Variants in ASCC3 observed in about 807,000 individuals in gnomAD.
ASCC3 encodes the protein ASC-1 complex subunit P200.
In ASCC3, 158 loss-of-function variants were observed where a neutral mutation model predicts 256.3. The ratio of observed to expected loss-of-function variants is 0.62; its 90% CI spans 0.54 to 0.70. The LOEUF (loss-of-function observed/expected upper bound fraction) is 0.70, where lower values mean the gene tolerates loss of function less well. Among genes scored for constraint, ASCC3 ranks in the 30% least tolerant of loss-of-function variants. ASCC3 has a pLI of 0.00. For missense variants in ASCC3, 2,259 were observed against 2,626.0 expected (o/e 0.86, Z 3.05); for synonymous variants, 948 against 883.4 (o/e 1.07, Z -1.30).
At chr6:100,879,754 G>C (rs1250430636) in intron 1 of ASCC3, among the ~76,000 whole-genome samples, 1 of 152,158 alleles carries the variant, frequency 6.6e-6, no homozygotes, top group African/African-American at 2.4e-5. Flanking sequence ...TTACTCTTCT[G>C]AAATGGCAAA....
intron 16 of ASCC3, among the ~76,000 whole-genome samples, chr6:100,658,914 A>C (rs1232691628): frequency 6.6e-6 from 1 of 151,584 alleles, no homozygotes; most frequent in Non-Finnish European, 1.5e-5. Flanking sequence ...GTATGTACTC[A>C]GTAATGTCTG....
intron 30 of ASCC3, 110 bp downstream of exon 30, chr6:100,625,082 G>T: frequency 8.1e-7 from 1 of 1,241,182 alleles, no homozygotes. Flanking sequence ...GTAAGGTGGC[G>T]GTATTATGAA....
At chr6:100,635,219 T>C (rs1052273084) in intron 25 of ASCC3, among the ~76,000 whole-genome samples, 1 of 152,064 alleles carries the variant, frequency 6.6e-6, no homozygotes, top group Admixed American at 6.6e-5. Context: ...ATATGTGATA[T>C]ATATGTACAC....
At chr6:100,834,088 A>G (rs1771760271) in intron 4 of ASCC3, among the ~76,000 whole-genome samples, 1 of 152,156 alleles carries the variant, frequency 6.6e-6, no homozygotes, top group South Asian at 2.1e-4. Flanking sequence ...TATCTAGCTA[A>G]ATGTCTTATA....
Position 100,848,254 on chromosome 6 carries a change from T to C in ASCC3, c.695A>G (p.Asn232Ser). The change falls in exon 4 of 42, where the codon AAT becomes AGT. Residue 232 changes from asparagine to serine, a missense_variant. Asn to Ser is a conservative substitution (Grantham distance 46, BLOSUM62 1). This residue lies in a region of ASCC3 where 420 missense variants were observed against 419.3 expected (regional missense o/e 1.00). Transcript: ENST00000369162. ...TTCAGTCATTTCCTTCAAAGTTGAA[T>C]TTAGGTACTTTTCAACTTCACACCA... Reference protein sequence around the residue: ...FLWCEVEKYLNSTLKEMTEVP... With the variant: ...FLWCEVEKYLSSTLKEMTEVP... The C allele has an allele frequency of 6.2e-7, 1 of 1,614,088 alleles. No homozygotes were observed.
chr6:100,550,600 C>T (rs1440130536), intron 36 of ASCC3, among the ~76,000 whole-genome samples: 1 of 151,964 alleles, frequency 6.6e-6, no homozygotes, highest in Non-Finnish European at 1.5e-5. Flanking sequence ...CATATCTGAA[C>T]AGGGCTGACT....
chr6:100,640,333 A>G lies in ASCC3; in HGVS notation c.3902-1512T>C, dbSNP rs143852126. On this transcript the variant is annotated intron_variant, in intron 24 of 41. Transcript: ENST00000369162. ...GTTTTTCTTGGCTCATTTGGGCTCAATGATAATGACTATATATTCAAAGAG... is the reference window on the plus strand; with the variant it reads ...GTTTTTCTTGGCTCATTTGGGCTCAGTGATAATGACTATATATTCAAAGAG... Among the ~76,000 whole-genome samples, 9 of 152,332 alleles carry G rather than the reference A, an allele frequency of 5.9e-5. No individual in the cohort carries two copies. In the East Asian group the frequency reaches 9.6e-4, roughly 16 times the overall value.
At chr6:100,685,249 T>C (rs1326363592) in intron 13 of ASCC3, among the ~76,000 whole-genome samples, 1 of 152,196 alleles carries the variant, frequency 6.6e-6, no homozygotes, top group Non-Finnish European at 1.5e-5. Flanking sequence ...GTGGCACATA[T>C]GGCATTGGCT....
At chr6:100,814,978 T>C (rs1024421565) in intron 4 of ASCC3, among the ~76,000 whole-genome samples, 11 of 152,136 alleles carry the variant, frequency 7.2e-5, no homozygotes, top group Non-Finnish European at 1.2e-4. Context: ...TCTCCTAGTT[T>C]TGGGGGTTGG....
At position 100,527,462 on chromosome 6, in the gene ASCC3, A is replaced by G. The variant is rs1175615664; in HGVS notation, c.5776-9320T>C. On this transcript the variant is annotated intron_variant, in intron 37 of 41. Transcript: ENST00000369162. Reference sequence around the variant, plus strand: ...AGTACTTCTATTGTTAAGCTCAGCAATACCTGGACTATTTTCACTGCTAAA... The same window carrying G: ...AGTACTTCTATTGTTAAGCTCAGCAGTACCTGGACTATTTTCACTGCTAAA... Among the ~76,000 whole-genome samples, 3 of 152,200 alleles carry G rather than the reference A, an allele frequency of 2.0e-5. No homozygotes were observed. The East Asian group carries it at 5.8e-4, about 29-fold the overall frequency.
chr6:100,873,314 CCAACAAA>C (rs1390794818), intron 1 of ASCC3, among the ~76,000 whole-genome samples: 1 of 151,982 alleles, frequency 6.6e-6, no homozygotes, highest in African/African-American at 2.4e-5. Context: ...TTAACCCAAT[CCAACAAA>C]GGCAAATAAA....
At chr6:100,760,333 C>T (rs1316311539) in intron 10 of ASCC3, among the ~76,000 whole-genome samples, 1 of 152,092 alleles carries the variant, frequency 6.6e-6, no homozygotes, top group African/African-American at 2.4e-5. Flanking sequence ...CCACTGATCC[C>T]TAGTTTATTG....
rs1033948896 is a variant in ASCC3 at position 100,799,281 on chromosome 6, ACAC to A, written c.1269+147_1269+149del. The A allele has an allele frequency of 9.6e-6, 8 of 832,722 alleles. No homozygotes were observed. In the African/African-American group the frequency reaches 1.0e-4, roughly 11 times the overall value. 51.6% of individuals were successfully genotyped at this position (832,722 alleles called of 1,614,324 possible). A position where few individuals can be genotyped will look rare whatever the true frequency, so the allele number is the denominator to read the frequency against. On this transcript the variant is annotated intron_variant, in intron 7 of 41. Coordinates refer to ENST00000369162, the MANE Select transcript of ASCC3 (RefSeq NM_006828.4). ...CTACTATATGTCAGGAGCTTTACATACACCACATTATGTCATTTTCCCCAATAC... is the reference window on the plus strand; with the variant it reads ...CTACTATATGTCAGGAGCTTTACATACACATTATGTCATTTTCCCCAATAC...
chr6:100,565,174 A>G lies in ASCC3; in HGVS notation c.5550+24460T>C, dbSNP rs549006613. On this transcript the variant is annotated intron_variant, in intron 36 of 41. Transcript: ENST00000369162. ...AATTGAATCAACTGCATTTTTCCAG[A>G]TGAATATATGCCTAATAAAATGGCC... 3.3e-5 allele frequency among the ~76,000 whole-genome samples: 5 copies of G among 152,290 alleles called. No homozygotes were observed. In the East Asian group the frequency reaches 9.6e-4, roughly 29 times the overall value.
chr6:100,777,214 TACTG>T (rs1354165234), intron 8 of ASCC3, among the ~76,000 whole-genome samples: 1 of 152,160 alleles, frequency 6.6e-6, no homozygotes, highest in East Asian at 1.9e-4. Context: ...GGTCTTCAAG[TACTG>T]ACTACTTTAC....
Position 100,848,428 on chromosome 6 carries a change from T to G in ASCC3, c.521A>C (p.His174Pro). 1 of 1,612,324 alleles carries G rather than the reference T, an allele frequency of 6.2e-7. No individual in the cohort carries two copies. The highest frequency in any genetic ancestry group is 1.7e-5 in the Admixed American group (1 of 59,706). Residue 174 changes from histidine (H) to proline (P), a missense_variant, in exon 4 of 42, where the codon CAT becomes CCT. Around this residue, in one of 2 missense-constraint regions of ASCC3, gnomAD observed 420 missense variants for 419.3 expected, o/e 1.00. Transcript: ENST00000369162. ...CAGTTCGTCAAAGTGGTCCAAATCA[T>G]GCATGTCAAATGAAAATGCTAAATT... ...GKNLAFSFDM[H>P]DLDHFDELPI...
At position 100,532,394 on chromosome 6, in the gene ASCC3, ATATATATATATATTTTT is replaced by A. The variant is rs1562098462; in HGVS notation, c.5775+7752_5775+7768del. On this transcript the variant is annotated intron_variant, in intron 37 of 41. Coordinates refer to ENST00000369162, the MANE Select transcript of ASCC3 (RefSeq NM_006828.4). ...TGTATGTGTGTATATATATATATAT[ATATATATATATATTTTT>A]TTTTTTTTTTTTTTTTAAATTACAA... 7.7e-4 allele frequency among the ~76,000 whole-genome samples: 32 copies of A among 41,302 alleles called. No homozygotes were observed. In the Admixed American group the frequency reaches 9.0e-3, roughly 12 times the overall value. 27.1% of individuals were successfully genotyped at this position (41,302 alleles called of 152,430 possible). A position where few individuals can be genotyped will look rare whatever the true frequency, so the allele number is the denominator to read the frequency against.
At chr6:100,717,128 A>G (rs1031532150) in intron 12 of ASCC3, among the ~76,000 whole-genome samples, 10 of 151,936 alleles carry the variant, frequency 6.6e-5, no homozygotes, top group African/African-American at 2.4e-4. Context: ...ATGACTCCCT[A>G]GAATTCTAAA....
chr6:100,805,926 T>G, intron 4 of ASCC3, 46 bp from the exon 5 acceptor site: 1 of 1,589,944 alleles, frequency 6.3e-7, no homozygotes, highest in Non-Finnish European at 8.6e-7. Flanking sequence ...ATCTCAAAGT[T>G]TAACTTTTTC....
Sources: gnomAD v4.1 joint callset for allele counts (sites outside exome capture counted in the v4.1 genomes callset) on GRCh38, gnomAD v4.1.1 for gene constraint, gnomAD v4.1.1 regional missense constraint, MANE v1.5 for transcripts, NCBI Gene and HGNC (gene_info 2026-07-23, HGNC 2026-07-21) for gene names.